Variants in MYO3A observed in about 807,000 individuals in gnomAD.
MYO3A encodes the protein myosin-IIIa.
In MYO3A, 180 loss-of-function variants were observed where a neutral mutation model predicts 192.7. The ratio of observed to expected loss-of-function variants is 0.93; its 90% CI spans 0.83 to 1.06. The LOEUF is 1.06. Ranked by LOEUF, MYO3A falls within the 50% of genes least tolerant of loss-of-function variation. The pLI is 0.00. For missense variants in MYO3A, 1,896 were observed against 1,905.0 expected (o/e 1.00, Z 0.09); for synonymous variants, 628 against 645.3 (o/e 0.97, Z 0.41).
At chr10:26,066,895 T>G (rs1834879753) in intron 10 of MYO3A, 80 bp from the exon 11 acceptor site, 1 of 872,292 alleles carries the variant, frequency 1.1e-6, no homozygotes. Flanking sequence ...TAGAGGATTT[T>G]CAGTATCATA....
Position 26,112,537 on chromosome 10 carries a change from T to C in MYO3A, c.1777-8139T>C, listed in dbSNP as rs549927271. Among the ~76,000 whole-genome samples, 20 of 152,266 alleles carry C rather than the reference T, an allele frequency of 1.3e-4. 1 individual carries two copies. The highest frequency in any genetic ancestry group is 2.4e-4 in the Non-Finnish European group (16 of 68,046). On this transcript the variant is annotated intron_variant, in intron 17 of 34. Transcript: ENST00000642920. ...TAAGTGGCATGATTCTGACATCCTC[T>C]AAGCACAGCATGCGACCTTCACAGT...
intron 32 of MYO3A, among the ~76,000 whole-genome samples, chr10:26,194,897 A>G (rs1843330848): frequency 6.6e-6 from 1 of 152,232 alleles, no homozygotes; most frequent in South Asian, 2.1e-4. Context: ...ATACATGTAT[A>G]GAGATATATA....
chr10:25,980,059 A>G (rs895290250), intron 4 of MYO3A, among the ~76,000 whole-genome samples: 2 of 151,968 alleles, frequency 1.3e-5, no homozygotes, highest in Non-Finnish European at 2.9e-5. Flanking sequence ...ACACGGTGAA[A>G]CCCCTTCTGT....
chr10:26,057,392 C>T (rs1006298717), intron 10 of MYO3A, among the ~76,000 whole-genome samples: 5 of 152,114 alleles, frequency 3.3e-5, no homozygotes, highest in African/African-American at 9.6e-5. Context: ...AAAAAAAAGG[C>T]GATGCTTCCA....
intron 6 of MYO3A, among the ~76,000 whole-genome samples, chr10:26,014,306 G>A (rs527707373): frequency 3.2e-4 from 48 of 152,090 alleles, no homozygotes; most frequent in Middle Eastern, 3.4e-3. Flanking sequence ...TATTTTAAGC[G>A]AAGAGTTGTC....
intron 2 of MYO3A, among the ~76,000 whole-genome samples, chr10:25,948,139 A>C (rs774270737): frequency 6.6e-6 from 1 of 152,148 alleles, no homozygotes; most frequent in African/African-American, 2.4e-5. Context: ...ATATCTGGAG[A>C]AAGAGCATTC....
intron 6 of MYO3A, among the ~76,000 whole-genome samples, chr10:26,006,687 G>T (rs1841235132): frequency 6.6e-6 from 1 of 152,036 alleles, no homozygotes; most frequent in Non-Finnish European, 1.5e-5. Flanking sequence ...CCAGGAAGAA[G>T]TTGAATCTCT....
chr10:26,185,602 A>G (rs1340572246), intron 31 of MYO3A, among the ~76,000 whole-genome samples: 3 of 152,136 alleles, frequency 2.0e-5, no homozygotes, highest in African/African-American at 7.2e-5. Flanking sequence ...GGCCTCCCAA[A>G]GTGCTGGAAT....
chr10:26,053,024 A>G (rs935114732), intron 10 of MYO3A, among the ~76,000 whole-genome samples: 1 of 152,214 alleles, frequency 6.6e-6, no homozygotes, highest in Non-Finnish European at 1.5e-5. Context: ...AAATTCTTAT[A>G]GAAGGATTCC....
chr10:26,166,511 A>C (rs1283737499), intron 27 of MYO3A, among the ~76,000 whole-genome samples: 1 of 152,172 alleles, frequency 6.6e-6, no homozygotes, highest in Non-Finnish European at 1.5e-5. Flanking sequence ...ACTGCACTCC[A>C]GCCTATGCAA....
At chr10:26,081,816 A>T (rs1246673866) in intron 14 of MYO3A, among the ~76,000 whole-genome samples, 1 of 152,126 alleles carries the variant, frequency 6.6e-6, no homozygotes, top group Non-Finnish European at 1.5e-5. Context: ...CTTCTCCCAC[A>T]AACAGACCTT....
intron 10 of MYO3A, among the ~76,000 whole-genome samples, chr10:26,065,283 C>T (rs1834744993): frequency 6.6e-6 from 1 of 152,032 alleles, no homozygotes; most frequent in South Asian, 2.1e-4. Context: ...AAGATGAAAG[C>T]CTGAAGAAAC....
intron 4 of MYO3A, among the ~76,000 whole-genome samples, chr10:25,966,433 A>G (rs1838272980): frequency 6.6e-6 from 1 of 152,194 alleles, no homozygotes; most frequent in African/African-American, 2.4e-5. Flanking sequence ...TAAATTTAAA[A>G]GTGGTTATTT....
intron 10 of MYO3A, among the ~76,000 whole-genome samples, chr10:26,055,658 G>T (rs189448253): frequency 1.1e-4 from 17 of 152,278 alleles, no homozygotes; most frequent in African/African-American, 3.9e-4. Context: ...GTTTACATCA[G>T]GGAGAGAGGA....
chr10:26,166,932 T>C (rs1841785966), intron 27 of MYO3A, among the ~76,000 whole-genome samples: 1 of 152,208 alleles, frequency 6.6e-6, no homozygotes, highest in Non-Finnish European at 1.5e-5. Context: ...TAACCAATCT[T>C]GAACATGGAA....
intron 31 of MYO3A, among the ~76,000 whole-genome samples, chr10:26,177,292 C>G (rs1474808341): frequency 1.3e-5 from 2 of 152,160 alleles, no homozygotes; most frequent in Non-Finnish European, 1.5e-5. Flanking sequence ...TCTAGTCAAC[C>G]TATTATACTA....
At chr10:26,191,438 G>C (rs1452487893) in intron 31 of MYO3A, among the ~76,000 whole-genome samples, 1 of 152,218 alleles carries the variant, frequency 6.6e-6, no homozygotes, top group African/African-American at 2.4e-5. Flanking sequence ...AACCTCCAGG[G>C]ATGGGTTGGA....
chr10:26,121,240 A>G (rs548427514), intron 18 of MYO3A, among the ~76,000 whole-genome samples: 1 of 151,572 alleles, frequency 6.6e-6, no homozygotes, highest in South Asian at 2.1e-4. Context: ...GATCATTTCT[A>G]CACAAGAGAA....
intron 31 of MYO3A, among the ~76,000 whole-genome samples, chr10:26,180,814 T>C (rs1842588138): frequency 6.6e-6 from 1 of 152,094 alleles, no homozygotes; most frequent in Admixed American, 6.5e-5. Flanking sequence ...TGTTTCTGAA[T>C]TGAAAGATAA....
Sources: allele counts gnomAD v4.1 joint callset (sites outside exome capture counted in the v4.1 genomes callset), GRCh38; gene constraint gnomAD v4.1.1; transcripts MANE v1.5; gene names NCBI Gene and HGNC (gene_info 2026-07-23, HGNC 2026-07-21).